Variants in NREP observed in about 807,000 individuals in gnomAD.
NREP encodes the protein neuronal regeneration-related protein.
NREP carries 5 observed loss-of-function variants against 8.6 expected under a neutral mutation model. The observed-to-expected ratio is 0.58, with a 90% confidence interval of 0.30 to 1.22. The LOEUF is 1.22. Ranked by LOEUF, NREP falls within the 50% of genes most tolerant of loss-of-function variation. The pLI is 0.07. For missense variants in NREP, 86 were observed against 82.5 expected (o/e 1.04, Z -0.17); for synonymous variants, 27 against 28.0 (o/e 0.96, Z 0.11).
chr5:111,845,857 C>CAA (rs553513873), intron 2 of NREP, among the ~76,000 whole-genome samples: 41 of 130,130 alleles, frequency 3.2e-4, no homozygotes, highest in African/African-American at 1.1e-3. Flanking sequence ...GTAATTCTAC[C>CAA]AAAAAAAAAA....
intron 3 of NREP, among the ~76,000 whole-genome samples, chr5:111,731,531 T>G (rs1334938656): frequency 1.3e-5 from 2 of 152,076 alleles, no homozygotes; most frequent in African/African-American, 2.4e-5. Flanking sequence ...TCAACTTGCA[T>G]CAATCTTATC....
chr5:111,846,648 G>T (rs968974951), intron 2 of NREP: 3 of 151,650 alleles, frequency 2.0e-5, no homozygotes, highest in Non-Finnish European at 4.4e-5. Context: ...AAAATATTCT[G>T]TAGCTCACTT....
chr5:111,784,753 C>G (rs1751570184), intron 2 of NREP, among the ~76,000 whole-genome samples: 2 of 152,206 alleles, frequency 1.3e-5, no homozygotes, highest in South Asian at 4.2e-4. Context: ...TTACCTAGAG[C>G]ACTATAGGAC....
In NREP at chr5:111,768,342, C is replaced by A. The variant is rs553365472; in HGVS notation, c.136-32835G>T. On this transcript the variant is annotated intron_variant, in intron 2 of 3. Transcript: ENST00000395634. ...AGCACATCTTGCTTTTGTTGTTTGGCTTTTGTTGTTTGCTTTTATTATAAT... is the reference window on the plus strand; with the variant it reads ...AGCACATCTTGCTTTTGTTGTTTGGATTTTGTTGTTTGCTTTTATTATAAT... Among the ~76,000 whole-genome samples the A allele has an allele frequency of 5.9e-5, 9 of 151,914 alleles. No individual in the cohort carries two copies. The South Asian group carries it at 1.9e-3, about 32-fold the overall frequency.
chr5:111,918,592 C>G (rs967036357), intron 2 of NREP, among the ~76,000 whole-genome samples: 3 of 152,022 alleles, frequency 2.0e-5, no homozygotes, highest in African/African-American at 7.2e-5. Flanking sequence ...ACAAACCTGA[C>G]AAAAACAGGC....
At chr5:111,764,552 G>A (rs1359688117) in intron 2 of NREP, among the ~76,000 whole-genome samples, 2 of 152,132 alleles carry the variant, frequency 1.3e-5, no homozygotes, top group African/African-American at 4.8e-5. Flanking sequence ...CACGAGAGCA[G>A]CATGGGAAAT....
At chr5:111,757,247 T>TGGGGGGGGGG (rs1259594314), upstream of NREP, 1 of 4,056 alleles carries the variant, frequency 2.5e-4, no homozygotes, top group African/African-American at 1.4e-3. Flanking sequence ...GAGGGGGGAT[T>TGGGGGGGGGG]GGGGGAGGGA....
chr5:111,932,318 C>A (rs548486847), intron 2 of NREP, among the ~76,000 whole-genome samples: 2 of 152,070 alleles, frequency 1.3e-5, no homozygotes, highest in African/African-American at 4.8e-5. Flanking sequence ...GAGCTCATCA[C>A]AATATACACT....
intron 2 of NREP, among the ~76,000 whole-genome samples, chr5:111,864,683 G>T (rs1430549120): frequency 6.6e-6 from 1 of 152,072 alleles, no homozygotes; most frequent in Non-Finnish European, 1.5e-5. Context: ...CCAAATGGTT[G>T]CCTGAGAGTA....
upstream of NREP, chr5:111,757,875 G>GTGC: frequency 1.0e-6 from 1 of 980,762 alleles, no homozygotes; most frequent in Non-Finnish European, 1.2e-6. Flanking sequence ...GGCGGCCAGG[G>GTGC]TGCTGCACAG....
chr5:111,863,827 A>G lies in NREP; in HGVS notation c.135+111447T>C, dbSNP rs190856762. The stretch of plus-strand genomic sequence containing the variant: ...ATGCTGGCTTTTGGCTAGAAACTCA[A>G]TGGGGAGCTATCACCTGGGATCCTC... On this transcript the variant is annotated intron_variant, in intron 2 of 3. Transcript: ENST00000395634. Among the ~76,000 whole-genome samples the G allele has an allele frequency of 9.9e-5, 15 of 152,226 alleles. No individual in the cohort carries two copies. The East Asian group carries it at 2.3e-3, about 24-fold the overall frequency.
At chr5:111,872,375 T>C (rs764237111) in intron 2 of NREP, among the ~76,000 whole-genome samples, 6 of 152,210 alleles carry the variant, frequency 3.9e-5, no homozygotes, top group Non-Finnish European at 8.8e-5. Flanking sequence ...CAACCTACTT[T>C]ACTCAGTCCA....
chr5:111,833,617 G>A (rs1465089101), intron 2 of NREP, among the ~76,000 whole-genome samples: 4 of 152,284 alleles, frequency 2.6e-5, no homozygotes, highest in Non-Finnish European at 5.9e-5. Flanking sequence ...ACAGGATTGA[G>A]GTCAGTACTG....
At chr5:111,926,029 C>T (rs1444100370) in intron 2 of NREP, among the ~76,000 whole-genome samples, 1 of 152,194 alleles carries the variant, frequency 6.6e-6, no homozygotes, top group East Asian at 1.9e-4. Context: ...AACATAACAT[C>T]TCTCCATGTG....
chr5:111,749,483 TGAG>T (rs1422108385), intron 2 of NREP, among the ~76,000 whole-genome samples: 1 of 152,180 alleles, frequency 6.6e-6, no homozygotes, highest in African/African-American at 2.4e-5. Flanking sequence ...GTCTATCATG[TGAG>T]GAGATTCTCT....
At chr5:111,811,453 C>T (rs1752267333) in intron 2 of NREP, among the ~76,000 whole-genome samples, 1 of 152,276 alleles carries the variant, frequency 6.6e-6, no homozygotes, top group East Asian at 1.9e-4. Flanking sequence ...CGGGTCCCAC[C>T]TCTTTCAACG....
intron 2 of NREP, among the ~76,000 whole-genome samples, chr5:111,922,843 GAA>G (rs2112583478): frequency 6.6e-6 from 1 of 152,238 alleles, no homozygotes; most frequent in East Asian, 1.9e-4. Flanking sequence ...GGAGAATACT[GAA>G]GTTTATTTCC....
At chr5:111,877,022 A>G (rs574635168) in intron 2 of NREP, among the ~76,000 whole-genome samples, 11 of 152,310 alleles carry the variant, frequency 7.2e-5, no homozygotes, top group African/African-American at 2.2e-4. Flanking sequence ...CATATTTTGT[A>G]TGACTTAATA....
chr5:111,851,080 A>C (rs1268813052), intron 2 of NREP, among the ~76,000 whole-genome samples: 1 of 152,180 alleles, frequency 6.6e-6, no homozygotes, highest in African/African-American at 2.4e-5. Context: ...ATGACAATCT[A>C]GTACTCCTAT....
Sources: gnomAD v4.1 joint callset for allele counts (sites outside exome capture counted in the v4.1 genomes callset) on GRCh38, gnomAD v4.1.1 for gene constraint, MANE v1.5 for transcripts, NCBI Gene and HGNC (gene_info 2026-07-23, HGNC 2026-07-21) for gene names.